SHOC1: variants seen among roughly 807,000 people sequenced by gnomAD.
SHOC1 encodes shortage in chiasmata 1.
A neutral mutation model predicts 179.2 loss-of-function variants in SHOC1; 136 were observed. That is an observed-to-expected ratio of 0.76 (90% CI 0.66 to 0.87). The LOEUF (loss-of-function observed/expected upper bound fraction) is 0.87. Ranked by LOEUF, SHOC1 falls within the 40% of genes least tolerant of loss-of-function variation. The pLI is 0.00. For missense variants in SHOC1, 1,538 were observed against 1,700.8 expected (o/e 0.90, Z 1.68); for synonymous variants, 489 against 586.6 (o/e 0.83, Z 2.41).
rs558516268 is a variant in SHOC1 at position 111,738,386 on chromosome 9, C to A, written c.1311G>T (p.Met437Ile). Reference protein sequence around the residue: ...WWKQAGLNLKMMETLEHLNTY... With the variant: ...WWKQAGLNLKIMETLEHLNTY... ...TATTCAGATGTTCCAATGTTTCCATCATTTTCAGATTTAGTCCTGCTTGTT... is the reference window on the plus strand; with the variant it reads ...TATTCAGATGTTCCAATGTTTCCATAATTTTCAGATTTAGTCCTGCTTGTT... Residue 437 changes from methionine (M) to isoleucine (I), a missense_variant, in exon 12 of 28, where the codon ATG (methionine) becomes ATT (isoleucine). Transcript: ENST00000682961. 2.8e-5 allele frequency: 45 copies of A among 1,613,212 alleles called. No homozygotes were observed. The South Asian group carries it at 3.4e-4, about 12-fold the overall frequency.
chr9:111,705,262 T>G lies in SHOC1; in HGVS notation c.2840A>C (p.Gln947Pro). Reference protein sequence around the residue: ...EGLLNTPDILQLLESNYNISL... With the variant: ...EGLLNTPDILPLLESNYNISL... ...AATAACTTACTTGGATTCTAGCAGC[T>G]GAAGTATGTCTGGAGTATTAAGAAG... Residue 947 changes from glutamine to proline, a missense_variant, in exon 21 of 28, where the codon CAG (glutamine) becomes CCG (proline). Coordinates refer to ENST00000682961, the MANE Select transcript of SHOC1 (RefSeq NM_001378211.1). 6.5e-7 allele frequency: 1 copy of G among 1,543,196 alleles called. No homozygotes were observed. Among genetic ancestry groups the G allele is most frequent in the Non-Finnish European group, 8.8e-7 (1 of 1,140,756 alleles).
At chr9:111,749,229 C>T (rs930892241) in intron 8 of SHOC1, among the ~76,000 whole-genome samples, 2 of 151,958 alleles carry the variant, frequency 1.3e-5, no homozygotes, top group Non-Finnish European at 2.9e-5. Flanking sequence ...TTTCTTTCTT[C>T]CCTAAAAATT....
Position 111,702,213 on chromosome 9 carries a change from A to C in SHOC1, c.2981T>G (p.Leu994Trp), listed in dbSNP as rs1832007266. 7.0e-7 allele frequency: 1 copy of C among 1,437,636 alleles called. No individual in the cohort carries two copies. Among genetic ancestry groups the C allele is most frequent in the African/African-American group, 1.4e-5 (1 of 70,588 alleles). The allele number at this position is 1,437,636 out of a possible 1,614,324, so 89.1% of individuals were successfully genotyped here. The change falls in exon 23 of 28, where the codon TTG (leucine) becomes TGG (tryptophan). Residue 994 changes from leucine to tryptophan, a missense_variant. By Grantham distance (61) the Leu-to-Trp change is moderately conservative (BLOSUM62 -2). Coordinates refer to ENST00000682961, the MANE Select transcript of SHOC1 (RefSeq NM_001378211.1). ...TAIILQDLEE[L>W]NYEKASDNII... ...ATTGTCTGATGCCTTCTCATAATTC[A>C]ATTCTTCTAGATCCTATCAGAAAAT...
intron 8 of SHOC1, 106 bp from the exon 9 acceptor site, chr9:111,748,305 C>T (rs568958749): frequency 2.7e-6 from 2 of 741,894 alleles, no homozygotes; most frequent in Admixed American, 5.4e-5. Flanking sequence ...TGTTTTATTG[C>T]ATGTCAATTT....
intron 8 of SHOC1, among the ~76,000 whole-genome samples, chr9:111,752,047 G>T (rs1834614223): frequency 6.6e-6 from 1 of 152,100 alleles, no homozygotes; most frequent in Non-Finnish European, 1.5e-5. Flanking sequence ...TGCAGAAATG[G>T]GAAGGGAATT....
chr9:111,721,738 A>G (rs1428955024), intron 15 of SHOC1, among the ~76,000 whole-genome samples: 1 of 152,142 alleles, frequency 6.6e-6, no homozygotes, highest in Non-Finnish European at 1.5e-5. Flanking sequence ...GCTCTCTAAC[A>G]TTCTATTTTG....
intron 1 of SHOC1, among the ~76,000 whole-genome samples, chr9:111,793,037 C>T (rs1836501099): frequency 6.6e-6 from 1 of 152,204 alleles, no homozygotes; most frequent in Non-Finnish European, 1.5e-5. Flanking sequence ...CGCCCGCCAA[C>T]ACGCCCGGCT....
At chr9:111,728,350 T>C (rs559192035) in intron 12 of SHOC1, among the ~76,000 whole-genome samples, 3 of 152,260 alleles carry the variant, frequency 2.0e-5, no homozygotes, top group Non-Finnish European at 4.4e-5. Context: ...AGTTACTCCA[T>C]GGGTCAAACA....
intron 10 of SHOC1, 58 bp from the exon 11 acceptor site, chr9:111,741,628 A>C (rs952749234): frequency 5.6e-5 from 51 of 918,662 alleles, no homozygotes; most frequent in Non-Finnish European, 7.7e-5. Context: ...TGTATAATAA[A>C]ATTTTATTTT....
chr9:111,717,040 T>C (rs938892430), intron 16 of SHOC1, among the ~76,000 whole-genome samples: 16 of 152,210 alleles, frequency 1.1e-4, no homozygotes, highest in Non-Finnish European at 1.9e-4. Context: ...GTGAGATTGG[T>C]TATTACTCAT....
chr9:111,780,753 A>G (rs910759702), intron 4 of SHOC1, among the ~76,000 whole-genome samples, 177 bp downstream of exon 4: 1 of 152,226 alleles, frequency 6.6e-6, no homozygotes, highest in African/African-American at 2.4e-5. Context: ...AAAAGAAGAT[A>G]TAAGTCACTC....
chr9:111,742,063 C>T (rs1380069959), intron 10 of SHOC1, among the ~76,000 whole-genome samples: 2 of 152,208 alleles, frequency 1.3e-5, no homozygotes, highest in East Asian at 1.9e-4. Context: ...CTCACTTCCT[C>T]CATCCTTGGG....
At chr9:111,743,266 A>T (rs1405257352) in intron 10 of SHOC1, among the ~76,000 whole-genome samples, 36 of 152,038 alleles carry the variant, frequency 2.4e-4, no homozygotes, top group Non-Finnish European at 1.5e-5. Flanking sequence ...TTAGTTTTAC[A>T]GTTGAGATAT....
intron 22 of SHOC1, among the ~76,000 whole-genome samples, chr9:111,702,750 T>G (rs557348276): frequency 6.6e-6 from 1 of 152,342 alleles, no homozygotes; most frequent in Non-Finnish European, 1.5e-5. Flanking sequence ...ACATAAGTAA[T>G]TTTTGATACA....
At chr9:111,742,084 A>G (rs1387717843) in intron 10 of SHOC1, among the ~76,000 whole-genome samples, 1 of 152,148 alleles carries the variant, frequency 6.6e-6, no homozygotes, top group African/African-American at 2.4e-5. Flanking sequence ...AAAGTTTGGT[A>G]ATTTGTAAAC....
rs564302021 is a variant in SHOC1 at position 111,751,156 on chromosome 9, G to C, written c.863-2957C>G. On this transcript the variant is annotated intron_variant, in intron 8 of 27. Coordinates refer to ENST00000682961, the MANE Select transcript of SHOC1 (RefSeq NM_001378211.1). ...TTTTGTTGAAGATCAGATGGTTGTAGGTGTGTGGTCTTATTTGAGTTCTCT... is the reference window on the plus strand; with the variant it reads ...TTTTGTTGAAGATCAGATGGTTGTACGTGTGTGGTCTTATTTGAGTTCTCT... 2.6e-5 allele frequency among the ~76,000 whole-genome samples: 4 copies of C among 152,220 alleles called. No homozygotes were observed. In the South Asian group the frequency reaches 8.3e-4, roughly 32 times the overall value.
intron 1 of SHOC1, among the ~76,000 whole-genome samples, chr9:111,793,413 T>C (rs1350069771): frequency 6.6e-6 from 1 of 152,250 alleles, no homozygotes; most frequent in Non-Finnish European, 1.5e-5. Flanking sequence ...AAATAATTAC[T>C]TTTGTATTGA....
intron 24 of SHOC1, among the ~76,000 whole-genome samples, chr9:111,698,530 C>T (rs1831813902): frequency 6.6e-6 from 1 of 152,184 alleles, no homozygotes; most frequent in Admixed American, 6.5e-5. Context: ...TCTGAGGGCT[C>T]TGTTCTGTTC....
At chr9:111,751,220 G>T (rs947834274) in intron 8 of SHOC1, among the ~76,000 whole-genome samples, 2 of 152,180 alleles carry the variant, frequency 1.3e-5, no homozygotes, top group African/African-American at 4.8e-5. Flanking sequence ...TCTTGTACCA[G>T]TAACATGCTG....
Sources: allele counts gnomAD v4.1 joint callset (sites outside exome capture counted in the v4.1 genomes callset), GRCh38; gene constraint gnomAD v4.1.1; transcripts MANE v1.5; gene names NCBI Gene and HGNC (gene_info 2026-07-23, HGNC 2026-07-21).